Variants in ME3 observed in about 807,000 individuals in gnomAD.
ME3 encodes the protein malic enzyme 3.
A neutral mutation model predicts 68.9 loss-of-function variants in ME3; 48 were observed. The observed-to-expected ratio is 0.70, with a 90% CI of 0.55 to 0.89. The LOEUF is 0.89. Ranked by LOEUF, ME3 falls within the 40% of genes least tolerant of loss-of-function variation. The probability of loss-of-function intolerance (pLI) is 0.00; values close to 1 mark genes in which losing one functional copy is unlikely to be tolerated. For missense variants in ME3, 675 were observed against 797.4 expected (o/e 0.85, Z 1.85); for synonymous variants, 320 against 318.8 (o/e 1.00, Z -0.04).
chr11:86,456,756 AAG>A (rs770740863), intron 8 of ME3, among the ~76,000 whole-genome samples: 21 of 152,156 alleles, frequency 1.4e-4, no homozygotes, highest in Non-Finnish European at 2.8e-4. Flanking sequence ...TCTGATGGGA[AAG>A]AGTCACACAT....
At chr11:86,653,299 T>G (rs1400763483) in intron 2 of ME3, among the ~76,000 whole-genome samples, 1 of 152,194 alleles carries the variant, frequency 6.6e-6, no homozygotes, top group Non-Finnish European at 1.5e-5. Context: ...TACATTATTT[T>G]CAGCACCACA....
chr11:86,537,192 C>T (rs1245123887), intron 4 of ME3, among the ~76,000 whole-genome samples: 8 of 150,454 alleles, frequency 5.3e-5, no homozygotes, highest in South Asian at 2.1e-4. Context: ...TGCTAGATGA[C>T]GAGTTAGTGG....
chr11:86,499,142 G>C (rs368206266), intron 5 of ME3, among the ~76,000 whole-genome samples: 1 of 152,154 alleles, frequency 6.6e-6, no homozygotes, highest in African/African-American at 2.4e-5. Flanking sequence ...TATGGGTGGG[G>C]AGAAGGGCAT....
chr11:86,632,112 G>T (rs1944054987), intron 2 of ME3, among the ~76,000 whole-genome samples: 1 of 152,174 alleles, frequency 6.6e-6, no homozygotes, highest in African/African-American at 2.4e-5. Flanking sequence ...CCTTGTCCAT[G>T]GCCACATAGT....
chr11:86,545,353 C>T (rs1956299779), intron 4 of ME3, among the ~76,000 whole-genome samples: 3 of 152,104 alleles, frequency 2.0e-5, no homozygotes, highest in Non-Finnish European at 4.4e-5. Flanking sequence ...AAAGGGTATT[C>T]AAATAGGATG....
chr11:86,443,160 A>G (rs540919182), intron 13 of ME3, among the ~76,000 whole-genome samples: 4 of 152,362 alleles, frequency 2.6e-5, no homozygotes, highest in Admixed American at 1.3e-4. Flanking sequence ...TTCCAAAGGA[A>G]AATCACTAAA....
In ME3 at chr11:86,442,919, G is replaced by T. The variant is rs771830027; in HGVS notation, c.1555C>A (p.Gln519Lys). The T allele has an allele frequency of 1.2e-5, 20 of 1,609,150 alleles. No individual in the cohort carries two copies. The Admixed American group carries it at 2.8e-4, about 23-fold the overall frequency. ...TGCTCAGAGACTTCCTGGGCAATTTGCTGGGGAGAAGGAGAGAACCGAGAG... is the reference window on the plus strand; with the variant it reads ...TGCTCAGAGACTTCCTGGGCAATTTTCTGGGGAGAAGGAGAGAACCGAGAG... Residue 519 changes from glutamine to lysine, a missense_variant and splice_region_variant, in exon 14 of 15, where the codon CAA (glutamine) becomes AAA (lysine). Coordinates refer to ENST00000543262, the Ensembl canonical transcript of ME3.
intron 2 of ME3, among the ~76,000 whole-genome samples, chr11:86,662,101 G>A (rs1594822786): frequency 6.6e-6 from 1 of 152,238 alleles, no homozygotes; most frequent in African/African-American, 2.4e-5. Flanking sequence ...TCCACAGCAG[G>A]GAACAGGGAA....
At chr11:86,521,453 A>T (rs1308060234) in intron 4 of ME3, among the ~76,000 whole-genome samples, 2 of 112,464 alleles carry the variant, frequency 1.8e-5, no homozygotes, top group African/African-American at 3.6e-5. Flanking sequence ...TAATAATAAT[A>T]AAAAAATGGA....
At chr11:86,465,017 C>A in intron 8 of ME3, 74 bp downstream of exon 8, 1 of 1,232,634 alleles carries the variant, frequency 8.1e-7, no homozygotes, top group Admixed American at 1.7e-5. Flanking sequence ...CTTTCCTCAC[C>A]CCTTTGGCAT....
rs1951515224 is a variant in ME3 at position 86,483,298 on chromosome 11, A to G, written c.809+4039T>C. ...TAGGTTGAAGTGACACAGAGAATGAATGCTGGAGCAAGCGGGGTTGGCTCT... is the reference window on the plus strand; with the variant it reads ...TAGGTTGAAGTGACACAGAGAATGAGTGCTGGAGCAAGCGGGGTTGGCTCT... On this transcript the variant is annotated intron_variant, in intron 7 of 14. Transcript: ENST00000543262. 1.3e-5 allele frequency among the ~76,000 whole-genome samples: 2 copies of G among 152,180 alleles called. 1 individual carries two copies. The highest frequency in any genetic ancestry group is 4.8e-5 in the African/African-American group (2 of 41,440).
At chr11:86,552,599 C>A (rs1406000586) in intron 4 of ME3, among the ~76,000 whole-genome samples, 4 of 152,090 alleles carry the variant, frequency 2.6e-5, no homozygotes, top group Admixed American at 6.5e-5. Flanking sequence ...ATCCAAGCAC[C>A]GCCCCCCATG....
chr11:86,652,892 G>A (rs1945558810), intron 2 of ME3, among the ~76,000 whole-genome samples: 1 of 149,562 alleles, frequency 6.7e-6, no homozygotes, highest in African/African-American at 2.5e-5. Context: ...ATAAAGGGAT[G>A]AAGGAAGATC....
chr11:86,644,158 G>A (rs1436128972), intron 2 of ME3, among the ~76,000 whole-genome samples: 1 of 152,118 alleles, frequency 6.6e-6, no homozygotes, highest in Non-Finnish European at 1.5e-5. Context: ...ACACAGTGGG[G>A]CAGCCCCGGT....
At chr11:86,496,366 A>G (rs1952333602) in intron 6 of ME3, among the ~76,000 whole-genome samples, 1 of 152,146 alleles carries the variant, frequency 6.6e-6, no homozygotes, top group Admixed American at 6.5e-5. Context: ...AGATCACGCC[A>G]CTGCACTCCA....
intron 2 of ME3, among the ~76,000 whole-genome samples, chr11:86,627,193 G>A (rs1943717227): frequency 6.6e-6 from 1 of 152,220 alleles, no homozygotes; most frequent in Non-Finnish European, 1.5e-5. Context: ...TGAAAGCTCT[G>A]GAAAGTTGGG....
At chr11:86,442,662 C>G (rs1165715469) in intron 14 of ME3, among the ~76,000 whole-genome samples, 159 bp downstream of exon 14, 2 of 152,000 alleles carry the variant, frequency 1.3e-5, no homozygotes, top group Non-Finnish European at 2.9e-5. Flanking sequence ...GCTCAAGCTG[C>G]AAACAAGAGT....
chr11:86,441,187 A>G, exon 15 of ME3: 2 of 1,239,812 alleles, frequency 1.6e-6, no homozygotes, highest in Non-Finnish European at 2.1e-6. Context: ...AAACACAGCG[A>G]CAAGGATTCA....
At chr11:86,441,373 A>G (rs201557814) in exon 15 of ME3, 4 of 1,613,286 alleles carry the variant, frequency 2.5e-6, no homozygotes, top group Non-Finnish European at 3.4e-6. Context: ...GGATCTTACA[A>G]AAGCCTCCTT....
Sources: allele counts gnomAD v4.1 joint callset (sites outside exome capture counted in the v4.1 genomes callset), GRCh38; gene constraint gnomAD v4.1.1; transcripts MANE v1.5; gene names NCBI Gene and HGNC (gene_info 2026-07-23, HGNC 2026-07-21).